The following NAV2 variants were observed in gnomAD, a reference collection of about 807,000 sequenced individuals.
NAV2 encodes neuron navigator 2.
Under a neutral mutation model 223.2 loss-of-function variants are expected in NAV2, and 54 were observed. The observed-to-expected ratio is 0.24, with a 90% CI of 0.19 to 0.30. The LOEUF (loss-of-function observed/expected upper bound fraction) is 0.30. NAV2 is among the 10% of genes least tolerant of loss of function. The pLI, the probability that NAV2 is intolerant of heterozygous loss-of-function variation, is 1.00. For missense variants in NAV2, 2,806 were observed against 3,147.5 expected, an observed-to-expected ratio of 0.89 and a Z score of 2.60; for synonymous variants, 1,279 against 1,239.3, an observed-to-expected ratio of 1.03 and a Z score of -0.67.
At position 20,112,828 on chromosome 11, in the gene NAV2, G is replaced by A. The variant is rs546854750; in HGVS notation, c.6961-1764G>A. Among the ~76,000 whole-genome samples the A allele has an allele frequency of 2.6e-5, 4 of 152,350 alleles. No homozygotes were observed. In the East Asian group the frequency reaches 5.8e-4, roughly 22 times the overall value. Reference sequence around the variant, plus strand: ...CTGGTAAATGAGGGGGTGGGGCTAGGTGGCCCCAGCTCCTTCCCCTTGGAA... The same window carrying A: ...CTGGTAAATGAGGGGGTGGGGCTAGATGGCCCCAGCTCCTTCCCCTTGGAA... On this transcript the variant is annotated intron_variant, in intron 36 of 37. Transcript: ENST00000349880.
intron 1 of NAV2, among the ~76,000 whole-genome samples, chr11:19,531,290 G>A (rs2044021477): frequency 6.6e-6 from 1 of 152,188 alleles, no homozygotes; most frequent in South Asian, 2.1e-4. Flanking sequence ...AAATGAACCA[G>A]AGTAAGGAGG....
chr11:19,435,399 C>A (rs560250097), intron 1 of NAV2, among the ~76,000 whole-genome samples: 7 of 152,204 alleles, frequency 4.6e-5, no homozygotes, highest in African/African-American at 1.7e-4. Flanking sequence ...TCACAAATGG[C>A]AGATGTTTCT....
chr11:19,971,850 G>A lies in NAV2; in HGVS notation c.2646-12275G>A, dbSNP rs544450110. Among the ~76,000 whole-genome samples, 6 of 152,252 alleles carry A rather than the reference G, an allele frequency of 3.9e-5. No homozygotes were observed. The South Asian group carries it at 6.2e-4, about 16-fold the overall frequency. ...CCCAAGTAGCTGGGATTACAGGCAC[G>A]TGCCACTATGTCCAGCTAATTTTTG... is the stretch of plus-strand genomic sequence containing the variant. On this transcript the variant is annotated intron_variant, in intron 10 of 37. Coordinates refer to ENST00000349880, the MANE Select transcript of NAV2 (RefSeq NM_145117.5).
At chr11:19,785,909 A>G (rs1435599198) in intron 1 of NAV2, among the ~76,000 whole-genome samples, 3 of 152,186 alleles carry the variant, frequency 2.0e-5, no homozygotes, top group Non-Finnish European at 4.4e-5. Context: ...TCCTGAATAC[A>G]TGCTACATGC....
chr11:19,836,221 C>T (rs866825685), intron 2 of NAV2, among the ~76,000 whole-genome samples: 101 of 152,292 alleles, frequency 6.6e-4, no homozygotes, highest in African/African-American at 2.2e-3. Flanking sequence ...TTCTAGGGAT[C>T]TACCACAGCT....
chr11:19,736,931 A>T (rs974860784), intron 1 of NAV2, among the ~76,000 whole-genome samples: 2 of 152,220 alleles, frequency 1.3e-5, no homozygotes, highest in Non-Finnish European at 1.5e-5. Context: ...GGAAAAAAAA[A>T]CTTATTGCCA....
intron 1 of NAV2, among the ~76,000 whole-genome samples, chr11:19,829,676 T>C (rs887376775): frequency 6.6e-6 from 1 of 152,132 alleles, no homozygotes; most frequent in Non-Finnish European, 1.5e-5. Context: ...GAAGCTAAGA[T>C]TAAAGCAACT....
At chr11:19,548,109 A>G (rs549767409) in intron 1 of NAV2, among the ~76,000 whole-genome samples, 1 of 152,334 alleles carries the variant, frequency 6.6e-6, no homozygotes, top group East Asian at 1.9e-4. Flanking sequence ...CTTAGTTCGT[A>G]GGATAGGTTT....
intron 1 of NAV2, among the ~76,000 whole-genome samples, chr11:19,365,386 G>A (rs1485090920): frequency 2.0e-5 from 3 of 152,192 alleles, no homozygotes; most frequent in Admixed American, 1.3e-4. Context: ...TGGCTTAACA[G>A]CATGCACTGT....
At chr11:19,720,898 C>G (rs895759906) in intron 1 of NAV2, among the ~76,000 whole-genome samples, 1 of 152,150 alleles carries the variant, frequency 6.6e-6, no homozygotes, top group Non-Finnish European at 1.5e-5. Context: ...CTTCAGTAGC[C>G]TCACCTATAA....
rs945269221 is a variant in NAV2 at position 20,119,585 on chromosome 11, C to T, written c.*1327C>T. On this transcript the variant is annotated 3_prime_UTR_variant, in exon 38 of 38. Coordinates refer to ENST00000349880, the MANE Select transcript of NAV2 (RefSeq NM_145117.5). ...CTCCCAGAAGCCCCGTCTGGACGAG[C>T]CTTGCCTGACCTCTTCGGTGCTGAC... is the stretch of plus-strand genomic sequence containing the variant. 6.5e-6 allele frequency: 1 copy of T among 152,690 alleles called. No individual in the cohort carries two copies. The highest frequency in any genetic ancestry group is 6.5e-5 in the Admixed American group (1 of 15,288). The allele number at this position is 152,690 out of a possible 1,614,324, so 9.5% of individuals were successfully genotyped here. A position where few individuals can be genotyped will look rare whatever the true frequency, so the allele number is the denominator to read the frequency against.
chr11:19,656,204 C>T (rs2048119925), intron 1 of NAV2, among the ~76,000 whole-genome samples: 3 of 152,164 alleles, frequency 2.0e-5, no homozygotes, highest in Non-Finnish European at 4.4e-5. Context: ...TGAGGAGTGG[C>T]ATGCAGAGAC....
At position 19,395,770 on chromosome 11, in the gene NAV2, T is replaced by C. The variant is rs1224605531; in HGVS notation, c.75+44743T>C. On this transcript the variant is annotated intron_variant, in intron 1 of 37. Coordinates refer to the NAV2 transcript ENST00000360655. ...TCCCGCCTCCCTTCCTCATGGTCTC[T>C]GATCCTCTTTCCCCCTCTCCTCTGC... Among the ~76,000 whole-genome samples, 5 of 152,238 alleles carry C rather than the reference T, an allele frequency of 3.3e-5. 1 individual carries two copies. Among genetic ancestry groups the C allele is most frequent in the African/African-American group, 1.2e-4 (5 of 41,464 alleles).
intron 1 of NAV2, among the ~76,000 whole-genome samples, chr11:19,514,094 G>A (rs2043364682): frequency 2.0e-5 from 3 of 151,998 alleles, no homozygotes; most frequent in African/African-American, 7.3e-5. Context: ...CACCATTTCA[G>A]CCTAATCTGT....
chr11:19,404,495 A>G (rs1051326746), intron 1 of NAV2, among the ~76,000 whole-genome samples: 1 of 152,238 alleles, frequency 6.6e-6, no homozygotes, highest in Admixed American at 6.5e-5. Context: ...TATGAGGCCA[A>G]TAGTGAGAAA....
rs1408410790 is a variant in NAV2, at chr11:20,107,760, A to G, written c.6938A>G (p.Glu2313Gly). 1 of 1,613,798 alleles carries G rather than the reference A, an allele frequency of 6.2e-7. No individual in the cohort carries two copies. Among genetic ancestry groups the G allele is most frequent in the Non-Finnish European group, 8.5e-7 (1 of 1,179,844 alleles). ...WNYSIIPYLL[E>G]AVREGLQLYG... ...TATTCCATTATCCCCTATCTCCTGGAAGCCGTCAGAGAAGGACTCCAGGTG... is the reference window on the plus strand; with the variant it reads ...TATTCCATTATCCCCTATCTCCTGGGAGCCGTCAGAGAAGGACTCCAGGTG... The change falls in exon 36 of 38, where the codon GAA (glutamate) becomes GGA (glycine). Residue 2313 changes from glutamate (E) to glycine (G), a missense_variant. Glu to Gly is a moderately conservative substitution (Grantham distance 98, BLOSUM62 -2). Transcript: ENST00000349880.
intron 1 of NAV2, among the ~76,000 whole-genome samples, chr11:19,630,475 A>C (rs1275410666): frequency 6.6e-6 from 1 of 152,216 alleles, no homozygotes; most frequent in African/African-American, 2.4e-5. Flanking sequence ...TGATGGTGAG[A>C]AGAGCAAGGC....
At chr11:19,413,622 A>G (rs1264414940) in intron 1 of NAV2, among the ~76,000 whole-genome samples, 1 of 152,098 alleles carries the variant, frequency 6.6e-6, no homozygotes, top group Non-Finnish European at 1.5e-5. Flanking sequence ...ACACATAATC[A>G]TCAAATCCAC....
At chr11:19,705,760 T>C (rs969009851) in intron 1 of NAV2, among the ~76,000 whole-genome samples, 1 of 152,228 alleles carries the variant, frequency 6.6e-6, no homozygotes, top group Admixed American at 6.5e-5. Flanking sequence ...CAGGCTTTGT[T>C]GCTATTTTGG....
Sources: gnomAD v4.1 joint callset for allele counts (sites outside exome capture counted in the v4.1 genomes callset) on GRCh38, gnomAD v4.1.1 for gene constraint, MANE v1.5 for transcripts, NCBI Gene and HGNC (gene_info 2026-07-23, HGNC 2026-07-21) for gene names.